PLPPR1: variants seen among roughly 807,000 people sequenced by gnomAD.
PLPPR1 encodes phospholipid phosphatase-related protein type 1.
A neutral mutation model predicts 33.1 loss-of-function variants in PLPPR1; 10 were observed. The observed-to-expected ratio is 0.30, with a 90% CI of 0.19 to 0.51. PLPPR1 has a LOEUF of 0.51. Among genes scored for constraint, PLPPR1 ranks in the 20% least tolerant of loss-of-function variants. The pLI is 0.97. For synonymous variants in PLPPR1, 151 were observed against 151.0 expected (o/e 1.00, Z 0.00); for missense variants, 304 against 408.1 (o/e 0.74, Z 2.20).
chr9:101,164,228 C>T (rs1825815558), intron 1 of PLPPR1, among the ~76,000 whole-genome samples: 1 of 152,094 alleles, frequency 6.6e-6, no homozygotes, highest in Non-Finnish European at 1.5e-5. Context: ...GCTGTGTGAA[C>T]CTGGGCACTC....
chr9:101,215,794 A>C (rs1826782246), intron 2 of PLPPR1, among the ~76,000 whole-genome samples: 1 of 151,502 alleles, frequency 6.6e-6, no homozygotes, highest in African/African-American at 2.4e-5. Context: ...CTCCAGTTCC[A>C]TGCATGTTGT....
chr9:101,244,168 G>A (rs1230680930), intron 2 of PLPPR1, among the ~76,000 whole-genome samples: 1 of 151,956 alleles, frequency 6.6e-6, no homozygotes, highest in Non-Finnish European at 1.5e-5. Context: ...GGTTATTGAT[G>A]ACTTTAATGA....
chr9:101,235,396 C>G (rs12351806), intron 2 of PLPPR1, among the ~76,000 whole-genome samples: 50,441 of 151,236 alleles, frequency 0.33, 8,350 homozygotes, highest in Admixed American at 0.38. Context: ...GATGCAAATT[C>G]AGCTTTCTTC....
chr9:101,100,762 G>A (rs1350205682), intron 1 of PLPPR1, among the ~76,000 whole-genome samples: 1 of 150,976 alleles, frequency 6.6e-6, no homozygotes, highest in Non-Finnish European at 1.5e-5. Flanking sequence ...TTATCAAGCA[G>A]TTATAATACA....
chr9:101,167,141 GGT>G (rs756843224), intron 1 of PLPPR1, among the ~76,000 whole-genome samples: 1,374 of 39,692 alleles, frequency 0.035, 46 homozygotes, highest in African/African-American at 0.088. Flanking sequence ...TATGTCTCTC[GGT>G]GTGTGTGTGT....
At chr9:101,062,758 T>A (rs1830361926) in intron 1 of PLPPR1, among the ~76,000 whole-genome samples, 1 of 152,036 alleles carries the variant, frequency 6.6e-6, no homozygotes, top group African/African-American at 2.4e-5. Flanking sequence ...ATAACAATTA[T>A]AAGGTAAGGC....
In PLPPR1 at chr9:101,199,905, A is replaced by G. The variant is rs73656185; in HGVS notation, c.63+14348A>G. ...GGACGAAACTAGAGATTTGCATTTT[A>G]TAAGTTTTCAGGTCATTCCAGTAAA... On this transcript the variant is annotated intron_variant, in intron 2 of 7. Coordinates refer to ENST00000374874, the MANE Select transcript of PLPPR1 (RefSeq NM_207299.2). Among the ~76,000 whole-genome samples the G allele has an allele frequency of 5.1e-3, 770 of 152,300 alleles. 10 individuals are homozygous for G. The highest frequency in any genetic ancestry group is 0.018 in the African/African-American group (735 of 41,564).
chr9:101,141,839 C>T (rs963053385), intron 1 of PLPPR1, among the ~76,000 whole-genome samples: 2 of 152,118 alleles, frequency 1.3e-5, no homozygotes, highest in African/African-American at 4.8e-5. Context: ...ATTTCAGTCC[C>T]TATATCCACC....
At position 101,317,268 on chromosome 9, in the gene PLPPR1, G is replaced by C. The variant is rs1475036070; in HGVS notation, c.814-97G>C. 5 of 1,304,086 alleles carry C rather than the reference G, an allele frequency of 3.8e-6. No homozygotes were observed. In the African/African-American group the frequency reaches 7.4e-5, roughly 19 times the overall value. 80.8% of individuals were successfully genotyped at this position (1,304,086 alleles called of 1,614,324 possible). The stretch of plus-strand genomic sequence containing the variant: ...CTCTCAAAGGAAAAAGGTCACTCTG[G>C]TGATGATATTCAAGGGGAAAGGCCT... On this transcript the variant is annotated intron_variant, in intron 6 of 7. Coordinates refer to ENST00000374874, the MANE Select transcript of PLPPR1 (RefSeq NM_207299.2).
chr9:101,137,644 G>C (rs1263835820), intron 1 of PLPPR1, among the ~76,000 whole-genome samples: 1 of 152,164 alleles, frequency 6.6e-6, no homozygotes, highest in Non-Finnish European at 1.5e-5. Context: ...GGACATGGCA[G>C]CCTGGGGTGA....
At position 101,198,149 on chromosome 9, in the gene PLPPR1, AC is replaced by A. The variant is rs1336449777; in HGVS notation, c.63+12593del. On this transcript the variant is annotated intron_variant, in intron 2 of 7. Transcript: ENST00000374874. ...TCTTAGTACTATATTTTCTACATAT[AC>A]TTGTGTATGTAGCTCTGGCCAGCAT... is the stretch of plus-strand genomic sequence containing the variant. Among the ~76,000 whole-genome samples, 3 of 152,296 alleles carry A rather than the reference AC, an allele frequency of 2.0e-5. No homozygotes were observed. The East Asian group carries it at 5.8e-4, about 29-fold the overall frequency.
At chr9:101,244,459 G>A (rs907070093) in intron 2 of PLPPR1, among the ~76,000 whole-genome samples, 8 of 151,548 alleles carry the variant, frequency 5.3e-5, no homozygotes, top group African/African-American at 1.9e-4. Flanking sequence ...TGGTATTTCT[G>A]TTAAGTTACA....
At chr9:101,237,723 T>G (rs1375619534) in intron 2 of PLPPR1, among the ~76,000 whole-genome samples, 1 of 142,420 alleles carries the variant, frequency 7.0e-6, no homozygotes, top group African/African-American at 2.6e-5. Context: ...TATATATGTG[T>G]GTGTATATAG....
intron 1 of PLPPR1, among the ~76,000 whole-genome samples, chr9:101,088,536 A>T (rs1243856854): frequency 1.3e-5 from 2 of 152,180 alleles, no homozygotes; most frequent in South Asian, 4.1e-4. Context: ...GAAAATAAAT[A>T]GTCTCACTTT....
chr9:101,038,861 G>A (rs968220806), intron 1 of PLPPR1, among the ~76,000 whole-genome samples: 2 of 151,802 alleles, frequency 1.3e-5, no homozygotes, highest in Non-Finnish European at 2.9e-5. Context: ...CCTTCTCCAT[G>A]GCCTGATATT....
At chr9:101,303,371 T>G (rs575775013) in intron 4 of PLPPR1, among the ~76,000 whole-genome samples, 93 of 147,980 alleles carry the variant, frequency 6.3e-4, no homozygotes, top group South Asian at 6.1e-3. Flanking sequence ...GCACAATCTC[T>G]GCTCACTGCA....
At chr9:101,061,645 A>G (rs1588012192) in intron 1 of PLPPR1, among the ~76,000 whole-genome samples, 1 of 144,394 alleles carries the variant, frequency 6.9e-6, no homozygotes, top group East Asian at 2.4e-4. Context: ...AGAGTCGTTT[A>G]GAGTTAATTG....
At chr9:101,180,135 TATATATATACACACAC>T (rs1564167584) in intron 1 of PLPPR1, among the ~76,000 whole-genome samples, 7 of 41,052 alleles carry the variant, frequency 1.7e-4, no homozygotes, top group African/African-American at 4.0e-4. Flanking sequence ...TATATATATA[TATATATATACACACAC>T]ACACACACAC....
intron 4 of PLPPR1, among the ~76,000 whole-genome samples, chr9:101,299,884 T>C (rs7865392): frequency 0.095 from 14,476 of 152,164 alleles, 1,512 homozygotes; most frequent in African/African-American, 0.26. Flanking sequence ...CCCTGGCCTC[T>C]ATCCAACAAA....
Sources: allele counts gnomAD v4.1 joint callset (sites outside exome capture counted in the v4.1 genomes callset), GRCh38; gene constraint gnomAD v4.1.1; transcripts MANE v1.5; gene names NCBI Gene and HGNC (gene_info 2026-07-23, HGNC 2026-07-21).